KLHL25: variants seen among roughly 807,000 people sequenced by gnomAD.
The protein encoded by KLHL25 is kelch-like protein 25.
In KLHL25, 41 loss-of-function variants were observed where a neutral mutation model predicts 30.0. The ratio of observed to expected loss-of-function variants is 1.37; its 90% CI spans 1.07 to 1.78. The LOEUF (loss-of-function observed/expected upper bound fraction) is 1.78. KLHL25 is among the 40% of genes most tolerant of loss of function. The pLI is 0.00. For synonymous variants in KLHL25, 399 were observed against 355.3 expected (o/e 1.12, Z -1.38); for missense variants, 971 against 824.5 (o/e 1.18, Z -2.18).
chr15:85,787,706 C>T (rs142579775), intron 1 of KLHL25, among the ~76,000 whole-genome samples: 39 of 152,134 alleles, frequency 2.6e-4, no homozygotes, highest in African/African-American at 8.2e-4. Context: ...TGGAATATGA[C>T]GACGCTGTGA....
chr15:85,777,594 T>A (rs2089717881), intron 1 of KLHL25, among the ~76,000 whole-genome samples: 1 of 152,168 alleles, frequency 6.6e-6, no homozygotes, highest in South Asian at 2.1e-4. Context: ...TTAAGCACAC[T>A]TGAAGGGCAG....
intron 1 of KLHL25, among the ~76,000 whole-genome samples, chr15:85,783,163 G>A (rs951763111): frequency 2.0e-5 from 3 of 152,102 alleles, no homozygotes; most frequent in Non-Finnish European, 2.9e-5. Context: ...GCAGCAATGC[G>A]ACCTCGGCTC....
chr15:85,762,334 C>G (rs1389093199), intron 2 of KLHL25: 1 of 152,422 alleles, frequency 6.6e-6, no homozygotes, highest in Non-Finnish European at 1.5e-5. Context: ...GCCACGCTAC[C>G]TACCTGGGGG....
intron 2 of KLHL25, chr15:85,763,803 G>A (rs938207913): frequency 2.6e-5 from 4 of 152,302 alleles, no homozygotes; most frequent in African/African-American, 4.8e-5. Context: ...CCCCACTGCT[G>A]CCTGGGAGAG....
intron 1 of KLHL25, among the ~76,000 whole-genome samples, chr15:85,786,516 T>A (rs953438417): frequency 1.3e-5 from 2 of 152,258 alleles, no homozygotes; most frequent in South Asian, 4.1e-4. Context: ...CCACTGCCCC[T>A]TTCTGGGCCT....
chr15:85,772,614 G>A (rs571318972), intron 1 of KLHL25, among the ~76,000 whole-genome samples: 24 of 152,318 alleles, frequency 1.6e-4, no homozygotes, highest in African/African-American at 5.5e-4. Context: ...GGCTGCCTGC[G>A]AGAGTACCCA....
At chr15:85,770,561 C>T (rs775843960) in intron 1 of KLHL25, 1 of 533,728 alleles carries the variant, frequency 1.9e-6, no homozygotes, top group East Asian at 5.4e-5. Flanking sequence ...CTCCACAGGG[C>T]TCTTTACCTA....
Position 85,768,701 on chromosome 15 carries a change from C to A in KLHL25, c.1110G>T (p.Lys370Asn). 2 of 1,613,632 alleles carry A rather than the reference C, an allele frequency of 1.2e-6. No individual in the cohort carries two copies. Among genetic ancestry groups the A allele is most frequent in the Non-Finnish European group, 1.7e-6 (2 of 1,179,968 alleles). ...AGCGGGCAATCAGCATGGGCGCCGC[C>A]TTGGACCATTCCTCATGTACGGTGT... ...VYDTVHEEWS[K>N]AAPMLIARFG... Residue 370 changes from lysine (K) to asparagine (N), a missense_variant, in exon 2 of 3, where the codon AAG (lysine) becomes AAT (asparagine). By Grantham distance (94) the Lys-to-Asn change is moderately conservative. Transcript: ENST00000337975.
intron 1 of KLHL25, among the ~76,000 whole-genome samples, 167 bp from the exon 2 acceptor site, chr15:85,769,987 C>A (rs2089660444): frequency 6.6e-6 from 1 of 152,226 alleles, no homozygotes; most frequent in African/African-American, 2.4e-5. Flanking sequence ...ACAACACAGG[C>A]AAGAGTGGCT....
At chr15:85,765,117 G>A (rs2089611136) in intron 2 of KLHL25, among the ~76,000 whole-genome samples, 1 of 152,202 alleles carries the variant, frequency 6.6e-6, no homozygotes, top group East Asian at 1.9e-4. Context: ...AGCTGCCTGA[G>A]GCCAGCAGCA....
intron 2 of KLHL25, among the ~76,000 whole-genome samples, chr15:85,765,727 G>A (rs2089618393): frequency 1.3e-5 from 2 of 151,544 alleles, no homozygotes; most frequent in African/African-American, 4.9e-5. Context: ...AGCTACTCAG[G>A]AGGCTGAGGA....
chr15:85,766,992 T>C (rs1200587542), intron 2 of KLHL25, among the ~76,000 whole-genome samples: 2 of 128,556 alleles, frequency 1.6e-5, no homozygotes, highest in Non-Finnish European at 3.3e-5. Flanking sequence ...TGGTTGGCGA[T>C]CATTTTTTTT....
intron 1 of KLHL25, among the ~76,000 whole-genome samples, chr15:85,787,356 G>T (rs1229130538): frequency 6.6e-6 from 1 of 152,158 alleles, no homozygotes; most frequent in Non-Finnish European, 1.5e-5. Context: ...TGAGGCAGGA[G>T]AATCGCTTGA....
At chr15:85,777,582 C>T (rs2089717839) in intron 1 of KLHL25, among the ~76,000 whole-genome samples, 1 of 152,232 alleles carries the variant, frequency 6.6e-6, no homozygotes, top group Non-Finnish European at 1.5e-5. Flanking sequence ...CGCACCCAAA[C>T]ATTAAGCACA....
chr15:85,773,900 G>T (rs1197348746), intron 1 of KLHL25, among the ~76,000 whole-genome samples: 1 of 151,996 alleles, frequency 6.6e-6, no homozygotes, highest in Admixed American at 6.6e-5. Context: ...TCAGTGCCCT[G>T]AATTGGTGAC....
Position 85,768,658 on chromosome 15 carries a change from C to T in KLHL25, c.1153G>A (p.Glu385Lys), listed in dbSNP as rs766821312. 2.9e-5 allele frequency: 46 copies of T among 1,613,130 alleles called. 1 individual carries two copies. In the Admixed American group the frequency reaches 6.3e-4, roughly 22 times the overall value. The change falls in exon 2 of 3, where the codon GAG becomes AAG. Residue 385 changes from glutamate (E) to lysine (K), a missense_variant. By Grantham distance (56) the Glu-to-Lys change is moderately conservative. Coordinates refer to ENST00000337975, the MANE Select transcript of KLHL25 (RefSeq NM_022480.4). ...LIARFGHGSA[E>K]LENCLYVVGG... is the part of the protein sequence containing the mutation. ...ACCACATAGAGGCAGTTCTCCAGCT[C>T]AGCTGAGCCATGGCCAAAGCGGGCA...
chr15:85,794,392 G>A (rs149845010), intron 1 of KLHL25, among the ~76,000 whole-genome samples: 41 of 152,352 alleles, frequency 2.7e-4, no homozygotes, highest in Non-Finnish European at 5.0e-4. Context: ...TCAAAGACAA[G>A]CAGTCTCTCT....
chr15:85,768,289 C>A lies in KLHL25; in HGVS notation c.1522G>T (p.Ala508Ser). 6.2e-7 allele frequency: 1 copy of A among 1,614,046 alleles called. No individual in the cohort carries two copies. The highest frequency in any genetic ancestry group is 1.1e-5 in the South Asian group (1 of 91,088). The part of the protein sequence containing the change: ...GGDTEFTAAS[A>S]YRFDCETNQW... ...TTGGTCTCACAGTCAAAGCGGTAGG[C>A]CGAGGCGGCTGTGAATTCCGTGTCA... The change falls in exon 2 of 3, where the codon GCC becomes TCC. Residue 508 changes from alanine (A) to serine (S), a missense_variant. Physicochemically the swap from Ala to Ser is moderately conservative, Grantham distance 99 (BLOSUM62 1). Transcript: ENST00000337975.
At position 85,769,647 on chromosome 15, in the gene KLHL25, C is replaced by T. The variant is rs774483590; in HGVS notation, c.164G>A (p.Arg55His). 1.4e-5 allele frequency: 23 copies of T among 1,613,382 alleles called. No individual in the cohort carries two copies. Among genetic ancestry groups the T allele is most frequent in the East Asian group, 2.2e-5 (1 of 44,894 alleles). The change falls in exon 2 of 3, where the codon CGT (arginine) becomes CAT (histidine). Residue 55 changes from arginine to histidine, a missense_variant. Transcript: ENST00000337975. ...CACGGCACGGTGACAGGGGAAGGCA[C>T]GGTCGCCCGCCCAGAGTGTGACGTC... ...FTDVTLWAGD[R>H]AFPCHRAVLA...
Sources: gnomAD v4.1 joint callset for allele counts (sites outside exome capture counted in the v4.1 genomes callset) on GRCh38, gnomAD v4.1.1 for gene constraint, MANE v1.5 for transcripts, NCBI Gene and HGNC (gene_info 2026-07-23, HGNC 2026-07-21) for gene names.